CCDC85A: variants seen among roughly 807,000 people sequenced by gnomAD.
The protein encoded by CCDC85A is coiled-coil domain-containing protein 85A.
Under a neutral mutation model 50.2 loss-of-function variants are expected in CCDC85A, and 38 were observed. The observed-to-expected ratio is 0.76, with a 90% CI of 0.58 to 0.99. The LOEUF is 0.99. Among genes scored for constraint, CCDC85A ranks in the 50% least tolerant of loss-of-function variants. The pLI is 0.00. For missense variants in CCDC85A, 820 were observed against 742.0 expected, an observed-to-expected ratio of 1.11 and a Z score of -1.22; for synonymous variants, 366 against 301.4, an observed-to-expected ratio of 1.21 and a Z score of -2.22.
intron 3 of CCDC85A, among the ~76,000 whole-genome samples, chr2:56,371,555 C>G (rs1676073104): frequency 6.6e-6 from 1 of 151,742 alleles, no homozygotes; most frequent in Admixed American, 6.6e-5. Context: ...ACATTATATT[C>G]TTAGTTATAG....
At chr2:56,265,392 GAAAACAAATAACCCTATTTTAA>G (rs1558613294) in intron 2 of CCDC85A, among the ~76,000 whole-genome samples, 10 of 150,884 alleles carry the variant, frequency 6.6e-5, no homozygotes, top group South Asian at 2.1e-4. Context: ...TTCATAACAA[GAAAACAAATAACCCTATTTTAA>G]AAAGGGCAAA....
chr2:56,308,669 GA>G (rs1227174203), intron 2 of CCDC85A, among the ~76,000 whole-genome samples: 1 of 152,158 alleles, frequency 6.6e-6, no homozygotes, highest in East Asian at 1.9e-4. Context: ...AATTTAAGAG[GA>G]AACTTCATCC....
At chr2:56,298,428 G>A (rs899735899) in intron 2 of CCDC85A, among the ~76,000 whole-genome samples, 5 of 152,164 alleles carry the variant, frequency 3.3e-5, no homozygotes, top group African/African-American at 1.2e-4. Context: ...GAAAAAAAGT[G>A]ATCTTGATCT....
intron 2 of CCDC85A, among the ~76,000 whole-genome samples, chr2:56,200,865 G>A (rs1388888097): frequency 6.6e-6 from 1 of 151,902 alleles, no homozygotes; most frequent in Non-Finnish European, 1.5e-5. Flanking sequence ...ACTTCATCCT[G>A]GCTCCTGATC....
chr2:56,271,039 A>G (rs1670673035), intron 2 of CCDC85A, among the ~76,000 whole-genome samples: 2 of 152,206 alleles, frequency 1.3e-5, no homozygotes, highest in Admixed American at 1.3e-4. Context: ...ACTCAAAGAA[A>G]TGCAGTGGCT....
chr2:56,244,277 C>T (rs1669402373), intron 2 of CCDC85A, among the ~76,000 whole-genome samples: 1 of 152,088 alleles, frequency 6.6e-6, no homozygotes, highest in Non-Finnish European at 1.5e-5. Flanking sequence ...CCTGAAACCA[C>T]AAGACAAAGT....
intron 2 of CCDC85A, among the ~76,000 whole-genome samples, chr2:56,267,197 T>C (rs562839216): frequency 3.2e-4 from 48 of 152,146 alleles, no homozygotes; most frequent in Non-Finnish European, 6.3e-4. Context: ...TAACTCCTCC[T>C]CTTCCACCCC....
At chr2:56,253,592 G>A (rs946189064) in intron 2 of CCDC85A, among the ~76,000 whole-genome samples, 2 of 152,164 alleles carry the variant, frequency 1.3e-5, no homozygotes, top group African/African-American at 4.8e-5. Flanking sequence ...GGATTGAATA[G>A]GGGTCAGGGT....
rs1264305348 is a variant in CCDC85A, at chr2:56,192,995, T to G, written c.795T>G (p.Cys265Trp). ...AGCATCCACAGAAACCCAGAGCCTG[T>G]GGAACCCCAGATCGCCCCAAAGCAC... ...SPEHPQKPRA[C>W]GTPDRPKALK... The change falls in exon 2 of 6, where the codon TGT (cysteine) becomes TGG (tryptophan). Residue 265 changes from cysteine to tryptophan, a missense_variant. Physicochemically the swap from Cys to Trp is radical, Grantham distance 215. Transcript: ENST00000407595. This position sits in a 1 kb window ranked among gnomAD's most constrained non-coding sequence, Gnocchi z 4.7. 2 of 1,613,144 alleles carry G rather than the reference T, an allele frequency of 1.2e-6. No individual in the cohort carries two copies. The highest frequency in any genetic ancestry group is 1.7e-6 in the Non-Finnish European group (2 of 1,179,764).
intron 1 of CCDC85A, among the ~76,000 whole-genome samples, chr2:56,191,156 C>T (rs1208021629): frequency 6.6e-6 from 1 of 152,224 alleles, no homozygotes; most frequent in Non-Finnish European, 1.5e-5. Context: ...CACCCAGGTG[C>T]CTGCTCAAAT....
intron 2 of CCDC85A, among the ~76,000 whole-genome samples, chr2:56,226,712 A>G (rs2103923525): frequency 6.6e-6 from 1 of 152,136 alleles, no homozygotes; most frequent in Non-Finnish European, 1.5e-5. Context: ...AATGGCAACC[A>G]TTCCCCAGCC....
At chr2:56,299,552 A>G (rs1672108430) in intron 2 of CCDC85A, among the ~76,000 whole-genome samples, 1 of 152,022 alleles carries the variant, frequency 6.6e-6, no homozygotes, top group Non-Finnish European at 1.5e-5. Flanking sequence ...ACGTTGGCTG[A>G]TAGTTGGATG....
At chr2:56,307,206 C>T (rs557549412) in intron 2 of CCDC85A, among the ~76,000 whole-genome samples, 14 of 152,004 alleles carry the variant, frequency 9.2e-5, no homozygotes, top group South Asian at 2.1e-4. Flanking sequence ...TTTTATTGCA[C>T]GATACAGTCT....
chr2:56,342,304 C>G (rs1424125936), intron 2 of CCDC85A, among the ~76,000 whole-genome samples: 2 of 151,788 alleles, frequency 1.3e-5, no homozygotes, highest in African/African-American at 4.8e-5. Flanking sequence ...AATATTTGTT[C>G]CATCTTAAGA....
At chr2:56,232,327 G>A (rs1296382278) in intron 2 of CCDC85A, among the ~76,000 whole-genome samples, 1 of 152,178 alleles carries the variant, frequency 6.6e-6, no homozygotes, top group African/African-American at 2.4e-5. Context: ...AAATGGTACC[G>A]CTCAATTGTT....
chr2:56,233,059 G>C (rs1668842914), intron 2 of CCDC85A, among the ~76,000 whole-genome samples: 1 of 152,122 alleles, frequency 6.6e-6, no homozygotes, highest in Non-Finnish European at 1.5e-5. Flanking sequence ...TCTGCGTTAG[G>C]TAGTGCCTCT....
intron 2 of CCDC85A, among the ~76,000 whole-genome samples, chr2:56,221,210 A>G (rs1668311997): frequency 6.6e-6 from 1 of 152,084 alleles, no homozygotes; most frequent in African/African-American, 2.4e-5. Context: ...GCCTGTGTAC[A>G]AGGTTCTCTT....
chr2:56,193,745 A>T (rs1676419611), intron 2 of CCDC85A, among the ~76,000 whole-genome samples: 1 of 152,182 alleles, frequency 6.6e-6, no homozygotes, highest in South Asian at 2.1e-4. Context: ...GGTGATAAAA[A>T]ATAGAACCAT....
chr2:56,379,567 C>A (rs1318038598), intron 5 of CCDC85A, among the ~76,000 whole-genome samples: 1 of 152,150 alleles, frequency 6.6e-6, no homozygotes, highest in African/African-American at 2.4e-5. Flanking sequence ...CAAATAGAAT[C>A]ATTCCAAATA....
Sources: allele counts gnomAD v4.1 joint callset (sites outside exome capture counted in the v4.1 genomes callset), GRCh38; gene constraint gnomAD v4.1.1; non-coding constraint Gnocchi (gnomAD v3.1); transcripts MANE v1.5; gene names NCBI Gene and HGNC (gene_info 2026-07-23, HGNC 2026-07-21).